TRIM66: variants seen among roughly 807,000 people sequenced by gnomAD.
TRIM66 encodes tripartite motif-containing protein 66.
A neutral mutation model predicts 148.2 loss-of-function variants in TRIM66; 99 were observed. The ratio of observed to expected loss-of-function variants is 0.67; its 90% CI spans 0.57 to 0.79. The LOEUF (loss-of-function observed/expected upper bound fraction) is 0.79, where lower values mean the gene tolerates loss of function less well. TRIM66 is among the 30% of genes least tolerant of loss of function. TRIM66 has a pLI of 0.00. For missense variants in TRIM66, 1,666 were observed against 1,697.9 expected (o/e 0.98, Z 0.33); for synonymous variants, 616 against 635.9 (o/e 0.97, Z 0.47).
intron 15 of TRIM66, among the ~76,000 whole-genome samples, chr11:8,626,735 T>C (rs1319963797): frequency 6.6e-6 from 1 of 152,216 alleles, no homozygotes; most frequent in Non-Finnish European, 1.5e-5. Flanking sequence ...GTGCGCTACA[T>C]TCTTCTTAGA....
chr11:8,629,358 G>A (rs112004185), intron 15 of TRIM66, among the ~76,000 whole-genome samples: 10 of 152,162 alleles, frequency 6.6e-5, no homozygotes, highest in East Asian at 5.8e-4. Flanking sequence ...TGGTTTTGGC[G>A]CTCATTTAAT....
chr11:8,667,336 C>T (rs894131249), intron 6 of TRIM66, among the ~76,000 whole-genome samples: 2 of 152,088 alleles, frequency 1.3e-5, no homozygotes, highest in African/African-American at 2.4e-5. Flanking sequence ...ACAACAACAA[C>T]AAAAAACATA....
intron 6 of TRIM66, among the ~76,000 whole-genome samples, chr11:8,663,504 T>C (rs1423576844): frequency 6.6e-6 from 1 of 152,150 alleles, no homozygotes. Context: ...AAAAGCAACA[T>C]GAATGCAGCC....
At chr11:8,663,468 G>C (rs986923814) in intron 6 of TRIM66, among the ~76,000 whole-genome samples, 2 of 152,054 alleles carry the variant, frequency 1.3e-5, no homozygotes, top group Non-Finnish European at 2.9e-5. Flanking sequence ...TAATAAAATA[G>C]AACAACTATA....
chr11:8,640,799 T>G lies in TRIM66; in HGVS notation c.1576A>C (p.Lys526Gln). The G allele has an allele frequency of 6.4e-7, 1 of 1,550,774 alleles. No homozygotes were observed. Among genetic ancestry groups the G allele is most frequent in the Admixed American group, 2.0e-5 (1 of 50,982 alleles). ...KELACSPHPP[K>Q]LLQPWLETQP... ...GTTTCCAGCCAGGGCTGCAGCAGCT[T>G]TGGTGGATGAGGGCTGCAGGCCAGC... The change falls in exon 14 of 25, where the codon AAG (lysine) becomes CAG (glutamine). Residue 526 changes from lysine (K) to glutamine (Q), a missense_variant. Lys to Gln is a moderately conservative substitution (Grantham distance 53). Transcript: ENST00000646038.
At chr11:8,636,726 G>A (rs1410827470) in intron 15 of TRIM66, among the ~76,000 whole-genome samples, 1 of 152,026 alleles carries the variant, frequency 6.6e-6, no homozygotes, top group Non-Finnish European at 1.5e-5. Context: ...TTTCTCCTCT[G>A]TACTATTCTG....
At chr11:8,656,622 G>A (rs2037852947) in intron 6 of TRIM66, among the ~76,000 whole-genome samples, 1 of 152,170 alleles carries the variant, frequency 6.6e-6, no homozygotes, top group Non-Finnish European at 1.5e-5. Context: ...ATTTTCATGT[G>A]TACACCACCA....
chr11:8,660,798 G>C (rs2038196150), intron 6 of TRIM66, among the ~76,000 whole-genome samples: 1 of 152,198 alleles, frequency 6.6e-6, no homozygotes, highest in South Asian at 2.1e-4. Context: ...GGACCTTCAA[G>C]TTTGTGTAGG....
At chr11:8,647,929 CAG>C (rs1478604741) in intron 10 of TRIM66, 39 bp downstream of exon 10, 4 of 1,464,232 alleles carry the variant, frequency 2.7e-6, no homozygotes, top group Non-Finnish European at 3.7e-6. Flanking sequence ...TGTGCGGGAA[CAG>C]AGCATTTCCA....
At chr11:8,653,552 T>G (rs1033120341) in intron 6 of TRIM66, among the ~76,000 whole-genome samples, 12 of 152,026 alleles carry the variant, frequency 7.9e-5, no homozygotes, top group African/African-American at 2.9e-4. Context: ...CTGAATACAG[T>G]GCAAGAGTGA....
Position 8,622,365 on chromosome 11 carries a change from C to CACACACACACACACACATATATATAT in TRIM66, c.3080+450_3080+451insATATATATATGTGTGTGTGTGTGTGT. On this transcript the variant is annotated intron_variant, in intron 18 of 24. Coordinates refer to ENST00000646038, the MANE Select transcript of TRIM66 (RefSeq NM_001388022.1). ...ACACACACACACACACACACACACA[C>CACACACACACACACACATATATATAT]ATATATATATATATATATCTCCTAC... Among the ~76,000 whole-genome samples, 55 of 59,590 alleles carry CACACACACACACACACATATATATAT rather than the reference C, an allele frequency of 9.2e-4. 1 individual carries two copies. Among genetic ancestry groups the CACACACACACACACACATATATATAT allele is most frequent in the Admixed American group, 1.7e-3 (11 of 6,390 alleles). 39.1% of individuals were successfully genotyped at this position (59,590 alleles called of 152,430 possible).
rs1033828476 is a variant in TRIM66 at position 8,613,375 on chromosome 11, T to C, written c.*4569A>G. ...AGGGTTGGTGGGTGGTGTGAAATGC[T>C]GCGGAGAGGTCAAGACAGCTGAGCA... On this transcript the variant is annotated 3_prime_UTR_variant, in exon 25 of 25. Transcript: ENST00000646038. The C allele has an allele frequency of 2.0e-5, 3 of 152,212 alleles. No homozygotes were observed. Among genetic ancestry groups the C allele is most frequent in the African/African-American group, 7.2e-5 (3 of 41,424 alleles). 9.4% of individuals were successfully genotyped at this position (152,212 alleles called of 1,614,324 possible).
intron 6 of TRIM66, among the ~76,000 whole-genome samples, chr11:8,668,389 G>A (rs2038728761): frequency 6.6e-6 from 1 of 151,648 alleles, no homozygotes; most frequent in African/African-American, 2.4e-5. Context: ...TGATTCCATG[G>A]GTTGACTGAG....
rs2036798220 is a variant in TRIM66 at position 8,645,842 on chromosome 11, T to C, written c.1003A>G (p.Ser335Gly). ...RKRKLEQQLQ[S>G]IMVLNRQFEH... ...AACTGACGGTTGAGAACCATGATGC[T>C]CTGTAACTGCTGTTCCAGCTTCCGC... is the stretch of plus-strand genomic sequence containing the variant. The change falls in exon 12 of 25, where the codon AGC becomes GGC. Residue 335 changes from serine (S) to glycine (G), a missense_variant. By Grantham distance (56) the Ser-to-Gly change is moderately conservative. This residue lies in a region of TRIM66 where 1,431 missense variants were observed against 1,412.4 expected (regional missense o/e 1.01). Transcript: ENST00000646038. 6 of 1,551,742 alleles carry C rather than the reference T, an allele frequency of 3.9e-6. No individual in the cohort carries two copies. The highest frequency in any genetic ancestry group is 4.4e-6 in the Non-Finnish European group (5 of 1,147,002).
chr11:8,621,375 AGGGAG>A, intron 19 of TRIM66, 54 bp from the exon 20 acceptor site: 2 of 1,497,382 alleles, frequency 1.3e-6, no homozygotes, highest in Non-Finnish European at 1.8e-6. Context: ...CAAGCTCTCG[AGGGAG>A]GGGAGGGAGA....
chr11:8,621,126 C>G lies in TRIM66; in HGVS notation c.3451G>C (p.Val1151Leu). The change falls in exon 20 of 25, where the codon GTT becomes CTT. Residue 1151 changes from valine (V) to leucine (L), a missense_variant. This residue lies in a region of TRIM66 where 1,431 missense variants were observed against 1,412.4 expected (regional missense o/e 1.01). Transcript: ENST00000646038. Reference sequence around the variant, plus strand: ...AGTAACTCTCCGCCATTGAGGCAAACAGCACAGAAGTCCTCATTCTCTATT... The same window carrying G: ...AGTAACTCTCCGCCATTGAGGCAAAGAGCACAGAAGTCCTCATTCTCTATT... Reference protein sequence around the residue: ...APIENEDFCAVCLNGGELLCC... With the variant: ...APIENEDFCALCLNGGELLCC... The G allele has an allele frequency of 6.4e-7, 1 of 1,551,742 alleles. No homozygotes were observed. Among genetic ancestry groups the G allele is most frequent in the Non-Finnish European group, 8.7e-7 (1 of 1,147,002 alleles).
chr11:8,653,996 G>A (rs1365622858), intron 6 of TRIM66, among the ~76,000 whole-genome samples: 1 of 152,094 alleles, frequency 6.6e-6, no homozygotes, highest in African/African-American at 2.4e-5. Context: ...CTCACCCTGA[G>A]GTGACCTCCT....
At position 8,624,763 on chromosome 11, in the gene TRIM66, G is replaced by T. The variant is rs2034647974; in HGVS notation, c.2776C>A (p.Leu926Met). ...GGATCAGCCCCATCTCTGGGACACA[G>T]GCTCCCTGAAGTTCGGCCAGAACTG... Reference protein sequence around the residue: ...SSSSGRTSGSLCPRDGADPSL... With the variant: ...SSSSGRTSGSMCPRDGADPSL... The change falls in exon 16 of 25, where the codon CTG becomes ATG. Residue 926 changes from leucine to methionine, a missense_variant. This residue lies in a region of TRIM66 where 1,431 missense variants were observed against 1,412.4 expected (regional missense o/e 1.01). Coordinates refer to ENST00000646038, the MANE Select transcript of TRIM66 (RefSeq NM_001388022.1). 3 of 1,548,282 alleles carry T rather than the reference G, an allele frequency of 1.9e-6. No individual in the cohort carries two copies. Among genetic ancestry groups the T allele is most frequent in the African/African-American group, 1.4e-5 (1 of 73,134 alleles).
In TRIM66 at chr11:8,620,070, G is replaced by A. The variant is rs2034060040; in HGVS notation, c.3727C>T (p.His1243Tyr). The change falls in exon 22 of 25, where the codon CAT (histidine) becomes TAT (tyrosine). Residue 1243 changes from histidine (H) to tyrosine (Y), a missense_variant. Around this residue, in one of 3 missense-constraint regions of TRIM66, gnomAD observed 204 missense variants for 231.0 expected, o/e 0.88. Transcript: ENST00000646038. ...CTTACCAGGGGGCTGACAGGTTCAT[G>A]GAAGGGCAGGCTGAGGTTATTGCAG... ...LCCNNLSLPF[H>Y]EPVSPLARHY... 6.4e-7 allele frequency: 1 copy of A among 1,551,656 alleles called. No individual in the cohort carries two copies. The highest frequency in any genetic ancestry group is 2.4e-5 in the East Asian group (1 of 40,938).
Sources: allele counts gnomAD v4.1 joint callset (sites outside exome capture counted in the v4.1 genomes callset), GRCh38; gene constraint gnomAD v4.1.1; regional missense constraint gnomAD v4.1.1; transcripts MANE v1.5; gene names NCBI Gene and HGNC (gene_info 2026-07-23, HGNC 2026-07-21).